The following SNTG1 variants were observed in gnomAD, a reference collection of about 807,000 sequenced individuals.
SNTG1 encodes syntrophin gamma 1, also known as gamma-1-syntrophin.
SNTG1 carries 39 observed loss-of-function variants against 74.7 expected under a neutral mutation model. That is an observed-to-expected ratio of 0.52 (90% CI 0.40 to 0.68). SNTG1 has a LOEUF of 0.68. SNTG1 is among the 30% of genes least tolerant of loss of function. The pLI is 0.00. For missense variants in SNTG1, 685 were observed against 609.5 expected (o/e 1.12, Z -1.30); for synonymous variants, 254 against 217.1 (o/e 1.17, Z -1.49).
intron 2 of SNTG1, among the ~76,000 whole-genome samples, chr8:50,372,382 T>A (rs1055240760): frequency 1.3e-5 from 2 of 152,030 alleles, no homozygotes; most frequent in Admixed American, 6.6e-5. Context: ...CAAAACCTAC[T>A]CCTTTACATC....
At chr8:50,632,992 G>C (rs1421869305) in intron 13 of SNTG1, among the ~76,000 whole-genome samples, 1 of 152,216 alleles carries the variant, frequency 6.6e-6, no homozygotes, top group Non-Finnish European at 1.5e-5. Context: ...CAATTTGTCA[G>C]TGCGGCTGAA....
chr8:50,270,456 AAG>A (rs1379175014), intron 2 of SNTG1, among the ~76,000 whole-genome samples: 2 of 152,212 alleles, frequency 1.3e-5, no homozygotes, highest in African/African-American at 4.8e-5. Context: ...ATCTTCAAAA[AAG>A]TTTATGAATT....
chr8:50,580,273 A>G (rs1160445919), intron 12 of SNTG1, among the ~76,000 whole-genome samples: 2 of 152,162 alleles, frequency 1.3e-5, no homozygotes, highest in South Asian at 2.1e-4. Context: ...CCCCTATTGT[A>G]TCTAGGAAGT....
At chr8:50,094,306 C>T (rs1237589218) in intron 1 of SNTG1, among the ~76,000 whole-genome samples, 2 of 151,992 alleles carry the variant, frequency 1.3e-5, no homozygotes, top group Non-Finnish European at 2.9e-5. Flanking sequence ...TACTTATTTA[C>T]AAATAAGCAA....
intron 9 of SNTG1, among the ~76,000 whole-genome samples, chr8:50,517,145 A>T (rs1039790314): frequency 6.6e-6 from 1 of 152,206 alleles, no homozygotes. Context: ...AATATTCAAC[A>T]TTCTTAAAGA....
At chr8:50,623,140 T>C (rs2094934219) in intron 13 of SNTG1, among the ~76,000 whole-genome samples, 1 of 152,134 alleles carries the variant, frequency 6.6e-6, no homozygotes, top group Admixed American at 6.6e-5. Flanking sequence ...TTTTAGTCTC[T>C]CCTTTACAAC....
At chr8:50,398,425 A>G (rs1432389709) in intron 3 of SNTG1, among the ~76,000 whole-genome samples, 1 of 152,048 alleles carries the variant, frequency 6.6e-6, no homozygotes, top group East Asian at 1.9e-4. Context: ...GCATTTTCAC[A>G]CTTCCATATC....
intron 8 of SNTG1, among the ~76,000 whole-genome samples, chr8:50,499,847 C>T (rs1364270367): frequency 6.6e-6 from 1 of 151,908 alleles, no homozygotes; most frequent in African/African-American, 2.4e-5. Flanking sequence ...CCTTGTATTC[C>T]TGGATTAAAC....
intron 2 of SNTG1, among the ~76,000 whole-genome samples, chr8:50,177,550 G>A (rs1177574552): frequency 6.6e-6 from 1 of 152,172 alleles, no homozygotes; most frequent in Non-Finnish European, 1.5e-5. Context: ...AGAGACCCTG[G>A]TTTGCTCAGA....
chr8:50,473,299 T>C (rs907459752), intron 8 of SNTG1, among the ~76,000 whole-genome samples: 3 of 152,182 alleles, frequency 2.0e-5, no homozygotes, highest in Admixed American at 2.0e-4. Context: ...CTTCACCTTC[T>C]GCTATAACTG....
intron 1 of SNTG1, among the ~76,000 whole-genome samples, chr8:49,939,673 A>G (rs1808502737): frequency 6.6e-6 from 1 of 152,218 alleles, no homozygotes; most frequent in African/African-American, 2.4e-5. Context: ...AACAAGGCAT[A>G]AAATGACCTT....
intron 1 of SNTG1, among the ~76,000 whole-genome samples, chr8:50,030,396 A>G (rs2130748909): frequency 6.6e-6 from 1 of 152,074 alleles, no homozygotes. Context: ...CTTTTGAGGT[A>G]TTACTCTCTA....
At chr8:50,786,489 T>C (rs2095675590) in intron 18 of SNTG1, among the ~76,000 whole-genome samples, 1 of 151,968 alleles carries the variant, frequency 6.6e-6, no homozygotes, top group Admixed American at 6.6e-5. Flanking sequence ...AACTGCCTTT[T>C]TTTCAGAAAT....
intron 13 of SNTG1, among the ~76,000 whole-genome samples, chr8:50,610,233 G>A (rs1184430304): frequency 6.6e-6 from 1 of 151,846 alleles, no homozygotes; most frequent in African/African-American, 2.4e-5. Flanking sequence ...TGACTTCCTT[G>A]GGCCCAGTTC....
chr8:50,698,509 C>T lies in SNTG1; in HGVS notation c.1039-6091C>T, dbSNP rs1487031557. Among the ~76,000 whole-genome samples the T allele has an allele frequency of 2.6e-5, 4 of 152,202 alleles. No individual in the cohort carries two copies. The East Asian group carries it at 7.8e-4, about 30-fold the overall frequency. ...GGGTGAAGTGAAAGATGGGGTGAGC[C>T]TGGTTCCAGCATGCCAATGGCTGGA... On this transcript the variant is annotated intron_variant, in intron 15 of 18. Transcript: ENST00000642720.
chr8:50,758,382 A>G (rs1442414126), intron 18 of SNTG1, among the ~76,000 whole-genome samples: 1 of 151,966 alleles, frequency 6.6e-6, no homozygotes, highest in Admixed American at 6.6e-5. Flanking sequence ...CAGGTTTGTT[A>G]TATAGGTATA....
chr8:50,783,484 C>T (rs1347065896), intron 18 of SNTG1, among the ~76,000 whole-genome samples: 2 of 152,226 alleles, frequency 1.3e-5, no homozygotes, highest in African/African-American at 4.8e-5. Flanking sequence ...ACTCCATGGG[C>T]ATGGGACCCT....
intron 1 of SNTG1, among the ~76,000 whole-genome samples, chr8:50,080,953 C>T (rs1361314566): frequency 1.3e-5 from 2 of 151,952 alleles, no homozygotes; most frequent in East Asian, 3.9e-4. Flanking sequence ...AACTTATTTT[C>T]TTTTCTTCCT....
intron 1 of SNTG1, among the ~76,000 whole-genome samples, chr8:50,129,556 A>G (rs1462923788): frequency 1.3e-5 from 2 of 152,134 alleles, no homozygotes; most frequent in Non-Finnish European, 1.5e-5. Context: ...TTTTACCTAC[A>G]GAGTTGCCCT....
Sources: allele counts gnomAD v4.1 joint callset (sites outside exome capture counted in the v4.1 genomes callset), GRCh38; gene constraint gnomAD v4.1.1; transcripts MANE v1.5; gene names NCBI Gene and HGNC (gene_info 2026-07-23, HGNC 2026-07-21).